Variants in NAA35 observed in about 807,000 individuals in gnomAD.
NAA35 encodes N-alpha-acetyltransferase 35, NatC auxiliary subunit, also known as MAK10 homolog, amino-acid N-acetyltransferase subunit.
In NAA35, 18 loss-of-function variants were observed where a neutral mutation model predicts 101.7. The ratio of observed to expected loss-of-function variants is 0.18; its 90% confidence interval spans 0.12 to 0.26. NAA35 has a LOEUF of 0.26. Among genes scored for constraint, NAA35 ranks in the 10% least tolerant of loss-of-function variants. NAA35 has a pLI of 1.00. For synonymous variants in NAA35, 267 were observed against 273.1 expected (o/e 0.98, Z 0.22); for missense variants, 601 against 886.8 (o/e 0.68, Z 4.09).
chr9:85,993,138 A>G (rs553674344), intron 11 of NAA35, among the ~76,000 whole-genome samples: 24 of 152,270 alleles, frequency 1.6e-4, no homozygotes, highest in African/African-American at 5.3e-4. Flanking sequence ...AATGAGTACA[A>G]ATTGTCTGAT....
Position 85,975,234 on chromosome 9 carries a change from T to G in NAA35, c.627+77T>G, listed in dbSNP as rs1460037511. On this transcript the variant is annotated intron_variant, in intron 8 of 22. Transcript: ENST00000361671. ...GTTTAACTTTACCTAATTAAAAATG[T>G]GTAGAACCACCTTTCTCCTGTATGT... is the stretch of plus-strand genomic sequence containing the variant. The G allele has an allele frequency of 4.9e-6, 7 of 1,426,792 alleles. No homozygotes were observed. In the South Asian group the frequency reaches 6.3e-5, roughly 13 times the overall value. The allele number at this position is 1,426,792 out of a possible 1,614,324, so 88.4% of individuals were successfully genotyped here.
At chr9:85,988,394 G>C (rs1830741791) in intron 11 of NAA35, among the ~76,000 whole-genome samples, 2 of 152,140 alleles carry the variant, frequency 1.3e-5, no homozygotes, top group Admixed American at 6.5e-5. Flanking sequence ...ATGAATAATA[G>C]AAAGGGAGTA....
chr9:85,956,996 G>C (rs183630813), intron 3 of NAA35, among the ~76,000 whole-genome samples: 108 of 152,242 alleles, frequency 7.1e-4, no homozygotes, highest in Non-Finnish European at 1.2e-3. Context: ...GAGGAAGTCA[G>C]AGTCTTTAAA....
At chr9:85,993,572 C>A (rs1460906875) in intron 11 of NAA35, among the ~76,000 whole-genome samples, 1 of 152,144 alleles carries the variant, frequency 6.6e-6, no homozygotes. Context: ...GTGGTAAAAA[C>A]GTTCTTTTTG....
chr9:85,984,652 G>A (rs1468249421), intron 11 of NAA35, among the ~76,000 whole-genome samples: 1 of 152,148 alleles, frequency 6.6e-6, no homozygotes, highest in Admixed American at 6.5e-5. Context: ...TAGCAATGAA[G>A]ACAGTGTAGT....
At chr9:85,958,349 G>A in intron 3 of NAA35, 123 bp from the exon 4 acceptor site, 1 of 540,926 alleles carries the variant, frequency 1.8e-6, no homozygotes, top group Middle Eastern at 5.0e-4. Flanking sequence ...TTAGCAAGTT[G>A]AGAAGACTAA....
intron 5 of NAA35, 124 bp downstream of exon 5, chr9:85,959,991 G>A: frequency 9.8e-6 from 6 of 615,032 alleles, no homozygotes; most frequent in Non-Finnish European, 1.4e-5. Context: ...TAGTAAAGAT[G>A]TGCATAAGAT....
intron 15 of NAA35, among the ~76,000 whole-genome samples, chr9:86,011,872 AATAT>A: frequency 7.0e-6 from 1 of 142,608 alleles, no homozygotes; most frequent in East Asian, 2.0e-4. Flanking sequence ...AACTTATTTA[AATAT>A]ATAAATATAT....
In NAA35 at chr9:86,009,905, G is replaced by A. The variant is rs369185828; in HGVS notation, c.1264G>A (p.Asp422Asn). The A allele has an allele frequency of 8.1e-6, 13 of 1,613,064 alleles. No homozygotes were observed. The highest frequency in any genetic ancestry group is 5.1e-6 in the Non-Finnish European group (6 of 1,179,332). ...TAATCACCAGGCTAAGGACTGTATC[G>A]ACTCCTTTGTTACTCACTGTGTTCG... ...YNNHQAKDCIDSFVTHCVRPF... is the reference protein window; with the variant it reads ...YNNHQAKDCINSFVTHCVRPF... The change falls in exon 15 of 23, where the codon GAC becomes AAC. Residue 422 changes from aspartate (D) to asparagine (N), a missense_variant. Physicochemically the swap from Asp to Asn is conservative, Grantham distance 23. Transcript: ENST00000361671.
chr9:85,954,074 T>C (rs866296691), intron 2 of NAA35, among the ~76,000 whole-genome samples: 10 of 152,304 alleles, frequency 6.6e-5, no homozygotes, highest in Admixed American at 6.5e-5. Context: ...ATGGTAATTC[T>C]GTTTAAAATT....
rs1832227677 is a variant in NAA35 at position 86,016,429 on chromosome 9, TG to T, written c.1569-109del. The T allele has an allele frequency of 1.3e-5, 11 of 853,288 alleles. No individual in the cohort carries two copies. In the South Asian group the frequency reaches 2.0e-4, roughly 15 times the overall value. The allele number at this position is 853,288 out of a possible 1,614,324, so 52.9% of individuals were successfully genotyped here. A position where few individuals can be genotyped will look rare whatever the true frequency, so the allele number is the denominator to read the frequency against. ...CTAATCTATTATCTAATGAATGATC[TG>T]TTTTTAAAGACCTAAAGCATTATTT... On this transcript the variant is annotated intron_variant, in intron 17 of 22. Coordinates refer to ENST00000361671, the MANE Select transcript of NAA35 (RefSeq NM_024635.4).
chr9:86,018,678 T>A, intron 20 of NAA35, 21 bp from the exon 21 acceptor site: 8 of 1,599,938 alleles, frequency 5.0e-6, no homozygotes, highest in Non-Finnish European at 6.8e-6. Context: ...TGTTTTGAAT[T>A]ATACTTCCCC....
At chr9:85,967,184 A>G (rs1416722757) in intron 6 of NAA35, among the ~76,000 whole-genome samples, 1 of 152,166 alleles carries the variant, frequency 6.6e-6, no homozygotes, top group East Asian at 1.9e-4. Context: ...TGGGTACTTT[A>G]TGCCACATAG....
chr9:86,021,647 T>C (rs1276255930), intron 22 of NAA35, among the ~76,000 whole-genome samples: 1 of 152,230 alleles, frequency 6.6e-6, no homozygotes, highest in Non-Finnish European at 1.5e-5. Flanking sequence ...ATTTATCTTT[T>C]AACTGTTCTT....
chr9:85,979,502 A>G (rs1830347196), intron 11 of NAA35, among the ~76,000 whole-genome samples: 2 of 152,234 alleles, frequency 1.3e-5, no homozygotes, highest in South Asian at 2.1e-4. Flanking sequence ...CTAAGAACAT[A>G]AAGTACATTG....
At chr9:86,020,211 G>A (rs1172521810) in intron 21 of NAA35, among the ~76,000 whole-genome samples, 1 of 152,100 alleles carries the variant, frequency 6.6e-6, no homozygotes, top group African/African-American at 2.4e-5. Context: ...AGAGATAGGA[G>A]AGACACTTTT....
intron 9 of NAA35, among the ~76,000 whole-genome samples, 163 bp from the exon 10 acceptor site, chr9:85,977,200 G>A (rs1006166792): frequency 1.3e-5 from 2 of 152,010 alleles, no homozygotes; most frequent in African/African-American, 4.8e-5. Flanking sequence ...GCTTTGTTTT[G>A]TTTTCTGCAG....
intron 3 of NAA35, among the ~76,000 whole-genome samples, chr9:85,957,595 A>C (rs1047206041): frequency 5.9e-5 from 9 of 152,200 alleles, no homozygotes; most frequent in Non-Finnish European, 1.0e-4. Context: ...AAGTTTTAAC[A>C]TGAATTTTGG....
In NAA35 at chr9:86,024,983, G is replaced by T. The variant is rs555381027; in HGVS notation, c.*3023G>T. Among the ~76,000 whole-genome samples, 173 of 152,290 alleles carry T rather than the reference G, an allele frequency of 1.1e-3. No individual in the cohort carries two copies. The highest frequency in any genetic ancestry group is 3.4e-3 in the Middle Eastern group (1 of 294). On this transcript the variant is annotated 3_prime_UTR_variant, in exon 23 of 23. Transcript: ENST00000361671. ...CAGGGAATGGGGAGGCCACTGAGGT[G>T]GTGGGACAGGCTGCAGGGAAGAATA...
Sources: gnomAD v4.1 joint callset for allele counts (sites outside exome capture counted in the v4.1 genomes callset) on GRCh38, gnomAD v4.1.1 for gene constraint, MANE v1.5 for transcripts, NCBI Gene and HGNC (gene_info 2026-07-23, HGNC 2026-07-21) for gene names.